The following DMXL1 variants were observed in gnomAD, a reference collection of about 807,000 sequenced individuals.
DMXL1 encodes Dmx like 1.
In DMXL1, 99 loss-of-function variants were observed where a neutral mutation model predicts 319.2. That is an observed-to-expected ratio of 0.31 (90% CI 0.26 to 0.37). DMXL1 has a LOEUF of 0.37. Among genes scored for constraint, DMXL1 ranks in the 10% least tolerant of loss-of-function variants. The pLI is 1.00. For synonymous variants in DMXL1, 1,385 were observed against 1,235.2 expected (o/e 1.12, Z -2.54); for missense variants, 3,745 against 3,595.6 (o/e 1.04, Z -1.06).
intron 34 of DMXL1, among the ~76,000 whole-genome samples, chr5:119,209,265 T>A (rs549753361): frequency 6.6e-6 from 1 of 152,332 alleles, no homozygotes; most frequent in Non-Finnish European, 1.5e-5. Flanking sequence ...TGTTAAACGT[T>A]TTGTGAAACT....
In DMXL1 at chr5:119,121,019, G is replaced by A. The variant is rs376098810; in HGVS notation, c.982G>A (p.Val328Ile). Reference sequence around the variant, plus strand: ...AGGTCGGAGGAGATCACTTGCTCTTGTAGCACATACGGGATATCTACCACA... The same window carrying A: ...AGGTCGGAGGAGATCACTTGCTCTTATAGCACATACGGGATATCTACCACA... The part of the protein sequence containing the change: ...RRGRRRSLAL[V>I]AHTGYLPHQQ... The change falls in exon 9 of 44, where the codon GTA becomes ATA. Residue 328 changes from valine (V) to isoleucine (I), a missense_variant. Around this residue, in one of 4 missense-constraint regions of DMXL1, gnomAD observed 2,096 missense variants for 1,985.4 expected, o/e 1.06. Coordinates refer to ENST00000539542, the MANE Select transcript of DMXL1 (RefSeq NM_001290321.3). 3.7e-6 allele frequency: 6 copies of A among 1,613,462 alleles called. No homozygotes were observed. Among genetic ancestry groups the A allele is most frequent in the Non-Finnish European group, 4.2e-6 (5 of 1,179,942 alleles).
At chr5:119,218,834 A>G (rs1166335621) in intron 35 of DMXL1, among the ~76,000 whole-genome samples, 6 of 152,214 alleles carry the variant, frequency 3.9e-5, no homozygotes, top group African/African-American at 1.4e-4. Context: ...GCATTTTTTT[A>G]AATGCCATTG....
In DMXL1 at chr5:119,134,405, T is replaced by C. The variant is rs773051412; in HGVS notation, c.2376+16T>C. ...TGAAATTTCTGTAAGTAATGTCTTT[T>C]AAAACAGCTTAAGTATATAATATTA... On this transcript the variant is annotated intron_variant, in intron 13 of 43. Transcript: ENST00000539542. The C allele has an allele frequency of 6.3e-7, 1 of 1,589,572 alleles. No individual in the cohort carries two copies. Among genetic ancestry groups the C allele is most frequent in the East Asian group, 2.2e-5 (1 of 44,734 alleles).
intron 10 of DMXL1, among the ~76,000 whole-genome samples, chr5:119,131,054 C>G (rs1764767497): frequency 1.3e-5 from 2 of 148,448 alleles, no homozygotes; most frequent in South Asian, 2.1e-4. Flanking sequence ...TCTTGTTTTA[C>G]TTTGCATTTT....
chr5:119,140,128 A>G (rs955713685), intron 13 of DMXL1, among the ~76,000 whole-genome samples: 1 of 152,226 alleles, frequency 6.6e-6, no homozygotes, highest in Non-Finnish European at 1.5e-5. Context: ...GGCAGTGTTA[A>G]GATGGAAATT....
At chr5:119,129,151 A>ATGGATG (rs1312712180) in intron 9 of DMXL1, 60 bp from the exon 10 acceptor site, 1 of 1,002,830 alleles carries the variant, frequency 1.0e-6, no homozygotes, top group African/African-American at 1.7e-5. Context: ...AATATGAAAC[A>ATGGATG]TGGATGTTTC....
chr5:119,122,575 C>A (rs1416117187), intron 9 of DMXL1, among the ~76,000 whole-genome samples: 5 of 151,016 alleles, frequency 3.3e-5, no homozygotes, highest in African/African-American at 9.7e-5. Flanking sequence ...AGGGGCTCCT[C>A]ACTTCTCTGA....
chr5:119,215,985 A>G (rs1270739379), intron 34 of DMXL1, among the ~76,000 whole-genome samples: 1 of 148,326 alleles, frequency 6.7e-6, no homozygotes, highest in Admixed American at 6.9e-5. Flanking sequence ...AATCCCAGCT[A>G]CTTGGGAGTC....
intron 34 of DMXL1, among the ~76,000 whole-genome samples, chr5:119,215,320 T>C (rs1195431418): frequency 6.6e-6 from 1 of 151,896 alleles, no homozygotes; most frequent in African/African-American, 2.4e-5. Context: ...ATTTATTTAT[T>C]TTTTTGAGAC....
chr5:119,230,422 T>C (rs573005725), intron 38 of DMXL1, among the ~76,000 whole-genome samples: 1 of 152,354 alleles, frequency 6.6e-6, no homozygotes, highest in East Asian at 1.9e-4. Flanking sequence ...TAGATATAAT[T>C]ATTAAAAATT....
chr5:119,138,571 G>T (rs1247011765), intron 13 of DMXL1, among the ~76,000 whole-genome samples: 1 of 152,188 alleles, frequency 6.6e-6, no homozygotes, highest in African/African-American at 2.4e-5. Flanking sequence ...AGGAACGATG[G>T]CTCATGCCTG....
intron 19 of DMXL1, among the ~76,000 whole-genome samples, chr5:119,155,826 C>CAAAAA (rs35851317): frequency 3.5e-5 from 3 of 84,814 alleles, no homozygotes; most frequent in Non-Finnish European, 5.0e-5. Flanking sequence ...GACCCTGTCT[C>CAAAAA]AAAAAAAAAA....
In DMXL1 at chr5:119,178,055, A is replaced by C. The variant is rs1416399941; in HGVS notation, c.6946A>C (p.Thr2316Pro). The change falls in exon 28 of 44, where the codon ACA becomes CCA. Residue 2316 changes from threonine to proline, a missense_variant. Around this residue, in one of 4 missense-constraint regions of DMXL1, gnomAD observed 1,382 missense variants for 1,269.5 expected, o/e 1.09. Transcript: ENST00000539542. ...TGGCGAGGAAGCCCAGTCAGGGCTTACAGTCTTGCTCTGTGAGATTCTCAC... is the reference window on the plus strand; with the variant it reads ...TGGCGAGGAAGCCCAGTCAGGGCTTCCAGTCTTGCTCTGTGAGATTCTCAC... ...SSGEEAQSGL[T>P]VLLCEILTAV... The C allele has an allele frequency of 1.2e-6, 2 of 1,613,440 alleles. No individual in the cohort carries two copies. Among genetic ancestry groups the C allele is most frequent in the East Asian group, 4.5e-5 (2 of 44,840 alleles).
chr5:119,097,712 A>G (rs773900335), intron 1 of DMXL1, among the ~76,000 whole-genome samples: 3 of 152,172 alleles, frequency 2.0e-5, no homozygotes, highest in Non-Finnish European at 2.9e-5. Flanking sequence ...GTGAGACTCC[A>G]TCTCAAAAGA....
At chr5:119,101,790 GT>G in intron 2 of DMXL1, 144 bp from the exon 3 acceptor site, 1 of 622,468 alleles carries the variant, frequency 1.6e-6, no homozygotes, top group Non-Finnish European at 2.9e-6. Flanking sequence ...AGATGTGATA[GT>G]CTTCAAAACT....
At chr5:119,152,094 G>C in intron 19 of DMXL1, 58 bp downstream of exon 19, 1 of 1,214,326 alleles carries the variant, frequency 8.2e-7, no homozygotes, top group Non-Finnish European at 1.2e-6. Context: ...TGAGAGACTT[G>C]GGAGTTTTTA....
intron 29 of DMXL1, among the ~76,000 whole-genome samples, chr5:119,191,684 T>C (rs1042571339): frequency 4.6e-5 from 7 of 152,130 alleles, no homozygotes; most frequent in Non-Finnish European, 1.0e-4. Flanking sequence ...CCTTCCCTAA[T>C]TGTTTGTTAC....
chr5:119,156,192 C>T (rs1210713525), intron 19 of DMXL1, among the ~76,000 whole-genome samples: 3 of 152,180 alleles, frequency 2.0e-5, no homozygotes, highest in Non-Finnish European at 4.4e-5. Flanking sequence ...AGTCAGCAGC[C>T]GGTAACATCA....
intron 1 of DMXL1, among the ~76,000 whole-genome samples, chr5:119,089,300 T>TATATATGCA (rs1561549916): frequency 1.6e-5 from 1 of 61,512 alleles, no homozygotes; most frequent in African/African-American, 5.4e-5. Context: ...ATATTTTTTT[T>TATATATGCA]TTTTTTTTTT....
Sources: gnomAD v4.1 joint callset for allele counts (sites outside exome capture counted in the v4.1 genomes callset) on GRCh38, gnomAD v4.1.1 for gene constraint, gnomAD v4.1.1 regional missense constraint, MANE v1.5 for transcripts, NCBI Gene and HGNC (gene_info 2026-07-23, HGNC 2026-07-21) for gene names.